MEAK7: variants seen among roughly 807,000 people sequenced by gnomAD.
MEAK7 encodes the protein MTOR associated protein MEAK7, also known as MTOR-associated protein MEAK7.
Under a neutral mutation model 40.5 loss-of-function variants are expected in MEAK7, and 68 were observed. That is an observed-to-expected ratio of 1.68 (90% confidence interval 1.38 to 2.06). The LOEUF (loss-of-function observed/expected upper bound fraction) is 2.06. MEAK7 is among the 30% of genes most tolerant of loss of function. The pLI is 0.00. For missense variants in MEAK7, 918 were observed against 580.5 expected (o/e 1.58, Z -5.98); for synonymous variants, 338 against 231.9 (o/e 1.46, Z -4.16).
chr16:84,489,094 T>A (rs1422783237), intron 4 of MEAK7, among the ~76,000 whole-genome samples, 184 bp downstream of exon 4: 1 of 151,986 alleles, frequency 6.6e-6, no homozygotes, highest in East Asian at 1.9e-4. Flanking sequence ...AGTGGGGACA[T>A]CCCTATTGCT....
intron 3 of MEAK7, 64 bp from the exon 4 acceptor site, chr16:84,489,486 C>T: frequency 6.6e-7 from 1 of 1,511,184 alleles, no homozygotes; most frequent in Admixed American, 2.2e-5. Flanking sequence ...ATGTCATGCC[C>T]ACATGGAGAA....
chr16:84,497,150 T>G, intron 2 of MEAK7: 1 of 252,520 alleles, frequency 4.0e-6, no homozygotes, highest in South Asian at 4.4e-5. Flanking sequence ...CCTGGCCAGT[T>G]TCCTCATCTG....
intron 2 of MEAK7, 31 bp from the exon 3 acceptor site, chr16:84,495,944 G>C: frequency 6.2e-7 from 1 of 1,609,112 alleles, no homozygotes. Context: ...AATATGGTTA[G>C]ACAGTGCACA....
chr16:84,504,498 G>A lies in MEAK7; in HGVS notation c.-26+103C>T, dbSNP rs567534312. The A allele has an allele frequency of 1.9e-4, 138 of 745,192 alleles. No individual in the cohort carries two copies. The South Asian group carries it at 7.6e-3, about 41-fold the overall frequency. 46.2% of individuals were successfully genotyped at this position (745,192 alleles called of 1,614,324 possible). On this transcript the variant is annotated intron_variant, in intron 1 of 7. Coordinates refer to ENST00000343629, the MANE Select transcript of MEAK7 (RefSeq NM_020947.4). ...AAGAGGCGTGGGAGGCCAGGGAGGG[G>A]CAGGGCCCAGGCCTACTCTGGACCC...
rs1912304491 is a variant in MEAK7 at position 84,479,438 on chromosome 16, GCGGAA to G, written c.*470_*474del. 5 of 145,584 alleles carry G rather than the reference GCGGAA, an allele frequency of 3.4e-5. No individual in the cohort carries two copies. Among genetic ancestry groups the G allele is most frequent in the Admixed American group, 2.1e-4 (3 of 14,428 alleles). The allele number at this position is 145,584 out of a possible 1,614,324, so 9.0% of individuals were successfully genotyped here. On this transcript the variant is annotated 3_prime_UTR_variant, in exon 8 of 8. Coordinates refer to ENST00000343629, the MANE Select transcript of MEAK7 (RefSeq NM_020947.4). ...ATGCCAGCGGAATTCCCTAATGCCA[GCGGAA>G]TTCCCTAATGCCAGCGGAATTCCCT...
chr16:84,494,725 A>G, intron 3 of MEAK7: 1 of 415,990 alleles, frequency 2.4e-6, no homozygotes, highest in South Asian at 1.7e-5. Flanking sequence ...AAATGAGCTT[A>G]CCTAAAAACA....
rs199722035 is a variant in MEAK7, at chr16:84,486,921, G to A, written c.668C>T (p.Ser223Leu). The A allele has an allele frequency of 3.1e-5, 50 of 1,614,152 alleles. No individual in the cohort carries two copies. The East Asian group carries it at 3.8e-4, about 12-fold the overall frequency. Residue 223 changes from serine (S) to leucine (L), a missense_variant, in exon 5 of 8, where the codon TCG becomes TTG. By Grantham distance (145) the Ser-to-Leu change is moderately radical (BLOSUM62 -2). Coordinates refer to ENST00000343629, the MANE Select transcript of MEAK7 (RefSeq NM_020947.4). ...VICKGFLILC[S>L]SLDLTTLVPE... ...GACCAGGGTAGTCAGATCAAGAGAC[G>A]AGCACAGGATGAGAAAGCCCTTGCA...
chr16:84,492,852 C>G (rs411343), intron 3 of MEAK7, among the ~76,000 whole-genome samples: 70,646 of 152,092 alleles, frequency 0.46, 17,308 homozygotes, highest in South Asian at 0.59. Flanking sequence ...AAAGTGCTGG[C>G]ATTACAGGCG....
rs774491763 is a variant in MEAK7 at position 84,489,427 on chromosome 16, A to G, written c.385-5T>C. 6.2e-7 allele frequency: 1 copy of G among 1,604,122 alleles called. No individual in the cohort carries two copies. The highest frequency in any genetic ancestry group is 1.1e-5 in the South Asian group (1 of 90,148). Reference sequence around the variant, plus strand: ...GCCAACCAGATCCTCTGTAAACTGTAAGATCACAATTTTACCATTAAAAAC... The same window carrying G: ...GCCAACCAGATCCTCTGTAAACTGTGAGATCACAATTTTACCATTAAAAAC... On this transcript the variant is annotated splice_region_variant and splice_polypyrimidine_tract_variant and intron_variant, in intron 3 of 7. Coordinates refer to ENST00000343629, the MANE Select transcript of MEAK7 (RefSeq NM_020947.4).
intron 4 of MEAK7, 59 bp downstream of exon 4, chr16:84,489,219 A>G: frequency 5.7e-6 from 9 of 1,579,840 alleles, no homozygotes; most frequent in Non-Finnish European, 6.0e-6. Flanking sequence ...ACAGTAATGG[A>G]GACAGCAGGT....
chr16:84,485,771 T>C (rs1048061313), intron 5 of MEAK7, among the ~76,000 whole-genome samples: 2 of 152,150 alleles, frequency 1.3e-5, no homozygotes, highest in African/African-American at 2.4e-5. Flanking sequence ...CAACTCTGCT[T>C]CCGAGGTTCA....
rs987892599 is a variant in MEAK7 at position 84,482,550 on chromosome 16, G to A, written c.1077+42C>T. 3.1e-6 allele frequency: 5 copies of A among 1,613,496 alleles called. No individual in the cohort carries two copies. The African/African-American group carries it at 5.3e-5, about 17-fold the overall frequency. On this transcript the variant is annotated intron_variant, in intron 6 of 7. Transcript: ENST00000343629. ...CTCGGGGTTGACACCTTTGCTGGGG[G>A]ACATCACCAAGGCAAGACCACCACG... is the stretch of plus-strand genomic sequence containing the variant.
chr16:84,483,828 G>C (rs74036226), intron 5 of MEAK7, among the ~76,000 whole-genome samples: 1 of 152,272 alleles, frequency 6.6e-6, no homozygotes, highest in Non-Finnish European at 1.5e-5. Context: ...ATGAGGACAA[G>C]GTGTGGGACA....
At chr16:84,481,225 G>C (rs929961543) in intron 6 of MEAK7, among the ~76,000 whole-genome samples, 14 of 152,324 alleles carry the variant, frequency 9.2e-5, no homozygotes, top group African/African-American at 3.4e-4. Context: ...GCGAACCCCT[G>C]TGCCTTCCAC....
chr16:84,491,074 A>G (rs572133595), intron 3 of MEAK7, among the ~76,000 whole-genome samples: 44 of 152,356 alleles, frequency 2.9e-4, no homozygotes, highest in Admixed American at 5.2e-4. Context: ...TGAAAAGATC[A>G]ACAAAAATAT....
chr16:84,484,407 G>A (rs779716529), intron 5 of MEAK7, among the ~76,000 whole-genome samples: 4 of 152,226 alleles, frequency 2.6e-5, no homozygotes, highest in Non-Finnish European at 5.9e-5. Context: ...GTGTAATTCT[G>A]AGGAGCTGAG....
At chr16:84,489,538 G>C (rs965543857) in intron 3 of MEAK7, 116 bp from the exon 4 acceptor site, 14 of 1,221,518 alleles carry the variant, frequency 1.1e-5, no homozygotes, top group Non-Finnish European at 1.6e-5. Flanking sequence ...GCCACAATGT[G>C]GGGAAAGGTC....
At chr16:84,497,420 C>A in intron 2 of MEAK7, 1 of 1,287,106 alleles carries the variant, frequency 7.8e-7, no homozygotes, top group South Asian at 1.2e-5. Flanking sequence ...AACACATACA[C>A]ATTCTAGAGG....
At position 84,479,905 on chromosome 16, in the gene MEAK7, G is replaced by A. The variant is rs1335728982; in HGVS notation, c.*8C>T. ...AGGTCCTGGCTCCAGGAAGGCTCAG[G>A]CGGCTCCTCATTCATCGTCCGGGAC... On this transcript the variant is annotated 3_prime_UTR_variant, in exon 8 of 8. Coordinates refer to ENST00000343629, the MANE Select transcript of MEAK7 (RefSeq NM_020947.4). The A allele has an allele frequency of 1.3e-6, 2 of 1,587,546 alleles. No individual in the cohort carries two copies. The highest frequency in any genetic ancestry group is 1.7e-5 in the Admixed American group (1 of 58,250).
Sources: gnomAD v4.1 joint callset for allele counts (sites outside exome capture counted in the v4.1 genomes callset) on GRCh38, gnomAD v4.1.1 for gene constraint, MANE v1.5 for transcripts, NCBI Gene and HGNC (gene_info 2026-07-23, HGNC 2026-07-21) for gene names.